Variants in INTS9 observed in about 807,000 individuals in gnomAD.
INTS9 encodes the protein integrator complex subunit 9.
Under a neutral mutation model 79.7 loss-of-function variants are expected in INTS9, and 55 were observed. The ratio of observed to expected loss-of-function variants is 0.69; its 90% CI spans 0.56 to 0.86. INTS9 has a LOEUF of 0.86. INTS9 is among the 40% of genes least tolerant of loss of function. The pLI is 0.00. For missense variants in INTS9, 721 were observed against 831.5 expected (o/e 0.87, Z 1.64); for synonymous variants, 319 against 325.2 (o/e 0.98, Z 0.20).
At chr8:28,863,268 T>G (rs996985847) in intron 1 of INTS9, among the ~76,000 whole-genome samples, 2 of 152,190 alleles carry the variant, frequency 1.3e-5, no homozygotes, top group Admixed American at 6.5e-5. Context: ...TCTTTATTTT[T>G]TTCTAGCTTA....
chr8:28,783,171 A>C (rs1356403095), intron 11 of INTS9, among the ~76,000 whole-genome samples: 1 of 140,772 alleles, frequency 7.1e-6, no homozygotes, highest in African/African-American at 2.6e-5. Flanking sequence ...AAAAAAAAAG[A>C]AGCAGGTGCC....
intron 6 of INTS9, among the ~76,000 whole-genome samples, chr8:28,830,623 T>C (rs1469823692): frequency 1.4e-5 from 2 of 140,452 alleles, no homozygotes; most frequent in African/African-American, 2.7e-5. Context: ...AGACCCTGTC[T>C]CAAAAAATTA....
chr8:28,777,289 G>A (rs1802943666), intron 13 of INTS9, among the ~76,000 whole-genome samples: 1 of 152,160 alleles, frequency 6.6e-6, no homozygotes, highest in African/African-American at 2.4e-5. Context: ...CCAGCGAGCA[G>A]TGGCTGAGCC....
At chr8:28,865,652 G>C (rs1166981110) in intron 1 of INTS9, among the ~76,000 whole-genome samples, 1 of 152,088 alleles carries the variant, frequency 6.6e-6, no homozygotes, top group African/African-American at 2.4e-5. Context: ...TTTCTGGGGA[G>C]AAATCTGCTG....
chr8:28,838,546 T>C (rs1806961654), intron 4 of INTS9, among the ~76,000 whole-genome samples: 1 of 152,206 alleles, frequency 6.6e-6, no homozygotes, highest in South Asian at 2.1e-4. Flanking sequence ...CCACTAGGTC[T>C]TCCTGATTTG....
At chr8:28,858,888 T>C (rs1317275097) in intron 2 of INTS9, among the ~76,000 whole-genome samples, 1 of 152,258 alleles carries the variant, frequency 6.6e-6, no homozygotes, top group Non-Finnish European at 1.5e-5. Context: ...AGTAGTATGC[T>C]GGGAAACCAA....
At chr8:28,872,250 C>T (rs2131342170) in intron 1 of INTS9, among the ~76,000 whole-genome samples, 1 of 152,110 alleles carries the variant, frequency 6.6e-6, no homozygotes, top group East Asian at 1.9e-4. Flanking sequence ...TAGATGGGTG[C>T]AAACAATCTA....
At chr8:28,771,867 C>CTTT (rs879665056) in intron 14 of INTS9, among the ~76,000 whole-genome samples, 1 of 147,024 alleles carries the variant, frequency 6.8e-6, no homozygotes, top group Non-Finnish European at 1.5e-5. Flanking sequence ...CTGAAGGAGT[C>CTTT]TTTTTTTTTT....
At chr8:28,878,750 C>T (rs184512967) in intron 1 of INTS9, among the ~76,000 whole-genome samples, 62 of 151,836 alleles carry the variant, frequency 4.1e-4, no homozygotes, top group African/African-American at 1.3e-3. Context: ...GGCCCCAAGG[C>T]GGCCAGGTAA....
chr8:28,801,253 C>G (rs1474881568), intron 8 of INTS9, among the ~76,000 whole-genome samples: 4 of 152,144 alleles, frequency 2.6e-5, no homozygotes, highest in Non-Finnish European at 5.9e-5. Context: ...TTTGGGAGGC[C>G]AAGGCAGGTG....
intron 1 of INTS9, among the ~76,000 whole-genome samples, chr8:28,866,705 G>A (rs1808765989): frequency 6.6e-6 from 1 of 152,226 alleles, no homozygotes; most frequent in Non-Finnish European, 1.5e-5. Context: ...GGCCAGGCGT[G>A]GTGGCTCACG....
rs556365853 is a variant in INTS9 at position 28,886,419 on chromosome 8, T to C, written c.9+3455A>G. Among the ~76,000 whole-genome samples the C allele has an allele frequency of 2.6e-5, 4 of 152,174 alleles. No individual in the cohort carries two copies. The East Asian group carries it at 7.7e-4, about 29-fold the overall frequency. The stretch of plus-strand genomic sequence containing the variant: ...CATGCCACGACGCTCAGCTAGTTTT[T>C]GTATCTTTTGTAAAGACAGGTTTTG... On this transcript the variant is annotated intron_variant, in intron 1 of 16. Coordinates refer to ENST00000521022, the MANE Select transcript of INTS9 (RefSeq NM_018250.4).
intron 1 of INTS9, among the ~76,000 whole-genome samples, chr8:28,882,102 C>T (rs1809876415): frequency 6.8e-6 from 1 of 146,958 alleles, no homozygotes; most frequent in Non-Finnish European, 1.5e-5. Context: ...TCATTTTGTT[C>T]TGTACTCAGA....
At chr8:28,794,130 T>G (rs1247984593) in intron 9 of INTS9, 143 bp from the exon 10 acceptor site, 1 of 613,710 alleles carries the variant, frequency 1.6e-6, no homozygotes, top group Non-Finnish European at 2.6e-6. Flanking sequence ...CTGCTTCTTT[T>G]GAAGAACACA....
chr8:28,888,438 T>C (rs1810284803), intron 1 of INTS9, among the ~76,000 whole-genome samples: 1 of 47,608 alleles, frequency 2.1e-5, no homozygotes, highest in South Asian at 7.0e-4. Context: ...CCCAGCTATA[T>C]GGGGAGACTG....
intron 8 of INTS9, among the ~76,000 whole-genome samples, chr8:28,801,991 A>T (rs1032418255): frequency 3.3e-5 from 5 of 152,182 alleles, no homozygotes; most frequent in African/African-American, 1.2e-4. Context: ...AAGGATCATG[A>T]AGTACAGGTG....
chr8:28,858,587 A>T (rs1050881356), intron 2 of INTS9, among the ~76,000 whole-genome samples: 1 of 152,340 alleles, frequency 6.6e-6, no homozygotes, highest in South Asian at 2.1e-4. Context: ...CTCTGACTTT[A>T]TCCTTACACC....
chr8:28,809,456 G>A (rs1377041818), intron 8 of INTS9, among the ~76,000 whole-genome samples: 5 of 152,128 alleles, frequency 3.3e-5, no homozygotes, highest in African/African-American at 7.2e-5. Context: ...ATCCAATTAC[G>A]TGGGTAGAGA....
chr8:28,770,945 G>A lies in INTS9; in HGVS notation c.1662+37C>T, dbSNP rs1373985399. 2.7e-6 allele frequency: 4 copies of A among 1,459,288 alleles called. No homozygotes were observed. The African/African-American group carries it at 4.2e-5, about 15-fold the overall frequency. The allele number at this position is 1,459,288 out of a possible 1,614,324, so 90.4% of individuals were successfully genotyped here. A position where few individuals can be genotyped will look rare whatever the true frequency, so the allele number is the denominator to read the frequency against. ...TTAGGTGGTCTGGTTTCTTGCTGGG[G>A]AGAGGGTCCCCTGCACTCCCACCCA... On this transcript the variant is annotated intron_variant, in intron 15 of 16. Coordinates refer to ENST00000521022, the MANE Select transcript of INTS9 (RefSeq NM_018250.4).
Sources: allele counts gnomAD v4.1 joint callset (sites outside exome capture counted in the v4.1 genomes callset), GRCh38; gene constraint gnomAD v4.1.1; transcripts MANE v1.5; gene names NCBI Gene and HGNC (gene_info 2026-07-23, HGNC 2026-07-21).